Variants in SGCD observed in about 807,000 individuals in gnomAD.
SGCD encodes delta-sarcoglycan.
Under a neutral mutation model 36.6 loss-of-function variants are expected in SGCD, and 18 were observed. That is an observed-to-expected ratio of 0.49 (90% CI 0.34 to 0.73). The LOEUF is 0.73. SGCD is among the 30% of genes least tolerant of loss of function. SGCD has a pLI of 0.01. For synonymous variants in SGCD, 133 were observed against 130.6 expected, an observed-to-expected ratio of 1.02 and a Z score of -0.12; for missense variants, 387 against 346.7, an observed-to-expected ratio of 1.12 and a Z score of -0.92.
At chr5:156,287,720 C>T (rs1766648687) in intron 3 of SGCD, among the ~76,000 whole-genome samples, 1 of 151,636 alleles carries the variant, frequency 6.6e-6, no homozygotes, top group African/African-American at 2.4e-5. Flanking sequence ...TACACATACT[C>T]TTTGCTGACA....
chr5:156,479,672 A>G (rs76778863), intron 3 of SGCD, among the ~76,000 whole-genome samples: 4,159 of 152,302 alleles, frequency 0.027, 65 homozygotes, highest in Non-Finnish European at 0.042. Context: ...CAGTACAATG[A>G]AGAGTAGAAG....
intron 1 of SGCD, among the ~76,000 whole-genome samples, chr5:156,058,365 A>G (rs1760112325): frequency 6.8e-6 from 1 of 146,516 alleles, no homozygotes; most frequent in Non-Finnish European, 1.5e-5. Context: ...ACCTCACATT[A>G]AAAGAGATTT....
Position 156,132,763 on chromosome 5 carries a change from C to T in SGCD, c.-44+8744C>T, listed in dbSNP as rs369049908. On this transcript the variant is annotated intron_variant, in intron 3 of 9. Coordinates refer to the SGCD transcript ENST00000517913. ...GATTACAGGCGTGAGCCACCGCGCCCGGCCCTTACCAAGTCTTATGATGGT... is the reference window on the plus strand; with the variant it reads ...GATTACAGGCGTGAGCCACCGCGCCTGGCCCTTACCAAGTCTTATGATGGT... 4.1e-4 allele frequency among the ~76,000 whole-genome samples: 63 copies of T among 152,160 alleles called. 1 individual carries two copies. The East Asian group carries it at 8.7e-3, about 21-fold the overall frequency.
chr5:156,683,875 T>C (rs1229171525), intron 7 of SGCD, among the ~76,000 whole-genome samples: 1 of 152,192 alleles, frequency 6.6e-6, no homozygotes, highest in African/African-American at 2.4e-5. Flanking sequence ...TGGAATGACA[T>C]AGCTATTCTA....
chr5:156,631,898 T>G (rs1044159756), intron 6 of SGCD, among the ~76,000 whole-genome samples: 1 of 152,142 alleles, frequency 6.6e-6, no homozygotes, highest in Non-Finnish European at 1.5e-5. Flanking sequence ...GGACAGACAG[T>G]CAAGACATAG....
intron 1 of SGCD, among the ~76,000 whole-genome samples, chr5:155,986,185 A>T (rs1204236815): frequency 6.6e-6 from 1 of 152,180 alleles, no homozygotes; most frequent in African/African-American, 2.4e-5. Flanking sequence ...AATTATGTTT[A>T]GTTCAGTTTA....
At chr5:156,284,625 C>T (rs891723056) in intron 3 of SGCD, among the ~76,000 whole-genome samples, 6 of 152,100 alleles carry the variant, frequency 3.9e-5, no homozygotes, top group Non-Finnish European at 8.8e-5. Context: ...TTCAACAGCC[C>T]TTCATGCTAA....
At chr5:156,418,097 T>C (rs1773136756) in intron 3 of SGCD, among the ~76,000 whole-genome samples, 1 of 152,148 alleles carries the variant, frequency 6.6e-6, no homozygotes, top group Non-Finnish European at 1.5e-5. Flanking sequence ...ATGGAGAAGC[T>C]GAAGCCCAGA....
intron 4 of SGCD, among the ~76,000 whole-genome samples, chr5:156,563,886 A>G (rs1759371313): frequency 6.6e-6 from 1 of 152,108 alleles, no homozygotes; most frequent in African/African-American, 2.4e-5. Context: ...TCAGTTGGTC[A>G]GTTCTGATCC....
intron 3 of SGCD, among the ~76,000 whole-genome samples, chr5:156,269,469 C>CAAAAAAAAAAA (rs60893052): frequency 1.3e-4 from 4 of 30,474 alleles, no homozygotes; most frequent in African/African-American, 2.3e-4. Flanking sequence ...GACTCCGTCT[C>CAAAAAAAAAAA]AAAAAAAAAA....
At chr5:156,441,657 G>A (rs1292732040) in intron 3 of SGCD, among the ~76,000 whole-genome samples, 1 of 152,122 alleles carries the variant, frequency 6.6e-6, no homozygotes, top group Non-Finnish European at 1.5e-5. Flanking sequence ...CTATTGCCAT[G>A]TAGCTTAGTT....
At chr5:156,029,583 G>A (rs537399187) in intron 1 of SGCD, among the ~76,000 whole-genome samples, 38 of 152,292 alleles carry the variant, frequency 2.5e-4, no homozygotes, top group Middle Eastern at 3.4e-3. Context: ...GGCATATTCG[G>A]CTGCCAATTC....
intron 3 of SGCD, among the ~76,000 whole-genome samples, chr5:156,146,501 T>A (rs1360966386): frequency 6.6e-6 from 1 of 152,146 alleles, no homozygotes; most frequent in African/African-American, 2.4e-5. Context: ...TTTAACAAAA[T>A]GAGAAGATTT....
the SGCD span, among the ~76,000 whole-genome samples, chr5:155,817,761 A>C: frequency 6.6e-6 from 1 of 152,090 alleles, no homozygotes; most frequent in Non-Finnish European, 1.5e-5. Context: ...AAAATAAGTA[A>C]ATGTGCTGCT....
chr5:156,057,196 T>C (rs1760085705), intron 1 of SGCD, among the ~76,000 whole-genome samples: 1 of 146,690 alleles, frequency 6.8e-6, no homozygotes, highest in African/African-American at 2.4e-5. Flanking sequence ...TATAGTATTA[T>C]CCCATTAATA....
intron 3 of SGCD, among the ~76,000 whole-genome samples, chr5:156,196,914 A>G (rs1325296968): frequency 6.6e-6 from 1 of 152,174 alleles, no homozygotes; most frequent in Non-Finnish European, 1.5e-5. Context: ...GCTTTCCACA[A>G]TTTTAAAAAT....
chr5:156,705,085 T>A (rs908035978), intron 7 of SGCD, among the ~76,000 whole-genome samples: 1 of 152,154 alleles, frequency 6.6e-6, no homozygotes, highest in Admixed American at 6.6e-5. Context: ...TCATGCATAA[T>A]AATGATTCAG....
intron 3 of SGCD, among the ~76,000 whole-genome samples, chr5:156,476,856 T>C (rs781726886): frequency 6.6e-6 from 1 of 152,198 alleles, no homozygotes; most frequent in Non-Finnish European, 1.5e-5. Flanking sequence ...CCAGTCTGGC[T>C]GATATTACCC....
At chr5:156,304,636 C>T (rs1232401540) in intron 3 of SGCD, among the ~76,000 whole-genome samples, 1 of 152,048 alleles carries the variant, frequency 6.6e-6, no homozygotes, top group Non-Finnish European at 1.5e-5. Flanking sequence ...TGAAAAGATA[C>T]CCAAAAATGT....
Sources: allele counts gnomAD v4.1 joint callset (sites outside exome capture counted in the v4.1 genomes callset), GRCh38; gene constraint gnomAD v4.1.1; transcripts MANE v1.5; gene names NCBI Gene and HGNC (gene_info 2026-07-23, HGNC 2026-07-21).